PACSIN2: variants seen among roughly 807,000 people sequenced by gnomAD.
PACSIN2 encodes the protein protein kinase C and casein kinase substrate in neurons 2, also known as protein kinase C and casein kinase substrate in neurons protein 2.
Under a neutral mutation model 63.8 loss-of-function variants are expected in PACSIN2, and 25 were observed. The ratio of observed to expected loss-of-function variants is 0.39; its 90% CI spans 0.29 to 0.55. The LOEUF (loss-of-function observed/expected upper bound fraction) is 0.55. Among genes scored for constraint, PACSIN2 ranks in the 20% least tolerant of loss-of-function variants. PACSIN2 has a pLI of 0.62. For missense variants in PACSIN2, 518 were observed against 646.9 expected, an observed-to-expected ratio of 0.80 and a Z score of 2.16; for synonymous variants, 255 against 256.2, an observed-to-expected ratio of 1.00 and a Z score of 0.05.
intron 1 of PACSIN2, among the ~76,000 whole-genome samples, chr22:42,942,684 T>C (rs192398411): frequency 8.7e-4 from 133 of 152,346 alleles, no homozygotes; most frequent in African/African-American, 3.0e-3. Context: ...CCCATTGAAC[T>C]GGCTTAGCAT....
At chr22:43,009,863 C>CTTTTTTTTTTTTTTTTTTT (rs762256300) in intron 1 of PACSIN2, among the ~76,000 whole-genome samples, 1 of 131,814 alleles carries the variant, frequency 7.6e-6, no homozygotes, top group African/African-American at 2.9e-5. Flanking sequence ...TTTATTTTTT[C>CTTTTTTTTTTTTTTTTTTT]TATTTTTTTT....
At chr22:42,886,353 T>C (rs904738607) in intron 5 of PACSIN2, among the ~76,000 whole-genome samples, 4 of 152,190 alleles carry the variant, frequency 2.6e-5, no homozygotes, top group African/African-American at 9.7e-5. Context: ...TGCTACAAGA[T>C]GTAGTTGATG....
chr22:42,941,328 G>A (rs1351947288), intron 1 of PACSIN2, among the ~76,000 whole-genome samples: 4 of 152,126 alleles, frequency 2.6e-5, no homozygotes, highest in South Asian at 2.1e-4. Context: ...CCACTTTTCC[G>A]CTATTAATAG....
intron 2 of PACSIN2, among the ~76,000 whole-genome samples, chr22:42,904,393 G>C (rs1472235117): frequency 6.6e-6 from 1 of 152,236 alleles, no homozygotes; most frequent in Non-Finnish European, 1.5e-5. Flanking sequence ...AATTTGGTAT[G>C]TGGCTGCCGT....
At chr22:42,996,941 C>T (rs879922924) in intron 1 of PACSIN2, among the ~76,000 whole-genome samples, 1 of 152,278 alleles carries the variant, frequency 6.6e-6, no homozygotes, top group East Asian at 1.9e-4. Flanking sequence ...ACACCTGGCA[C>T]AAAATGAGCC....
chr22:42,893,473 C>T lies in PACSIN2; in HGVS notation c.201G>A (p.Arg67=). 3 of 1,613,376 alleles carry T rather than the reference C, an allele frequency of 1.9e-6. No individual in the cohort carries two copies. The highest frequency in any genetic ancestry group is 1.7e-6 in the Non-Finnish European group (2 of 1,180,008). ...GCCCCATACCTTTCTCCACGAGCTG[C>T]CTCCAGCGCCGGGCCCACTCAGTGA... The part of the protein sequence containing the change: ...QQLTEWARRW[R]QLVEKGPQYG... The change falls in exon 3 of 11, where the codon AGG becomes AGA. Residue 67 remains arginine (R), a synonymous_variant. Transcript: ENST00000263246.
chr22:42,931,893 T>G (rs56133320), intron 1 of PACSIN2, among the ~76,000 whole-genome samples: 3,807 of 152,262 alleles, frequency 0.025, 152 homozygotes, highest in African/African-American at 0.088. Flanking sequence ...CCCTAAATTT[T>G]CAAAGCTAAA....
chr22:42,910,907 TA>T (rs1416221419), intron 2 of PACSIN2, among the ~76,000 whole-genome samples: 2 of 135,190 alleles, frequency 1.5e-5, no homozygotes, highest in Non-Finnish European at 3.0e-5. Context: ...AGTTAACACA[TA>T]ATTTTTTTTT....
At chr22:42,969,702 G>C (rs969498667) in intron 1 of PACSIN2, among the ~76,000 whole-genome samples, 3 of 152,004 alleles carry the variant, frequency 2.0e-5, no homozygotes, top group African/African-American at 7.3e-5. Flanking sequence ...ACTCTGAGAG[G>C]CCGAGGCATG....
rs141230475 is a variant in PACSIN2 at position 42,898,986 on chromosome 22, G to C, written c.61-5373C>G. On this transcript the variant is annotated intron_variant, in intron 2 of 10. Transcript: ENST00000263246. ...CGTCAGCTCCTCCTCCATCCTGCAT[G>C]CATCTGTTGTAAACAGTCCAGAGGT... is the stretch of plus-strand genomic sequence containing the variant. Among the ~76,000 whole-genome samples, 1,437 of 152,288 alleles carry C rather than the reference G, an allele frequency of 9.4e-3. 15 individuals carry two copies. Among genetic ancestry groups the C allele is most frequent in the Non-Finnish European group, 0.016 (1,074 of 68,028 alleles).
intron 2 of PACSIN2, among the ~76,000 whole-genome samples, chr22:42,895,325 A>C (rs1882966338): frequency 6.6e-6 from 1 of 152,206 alleles, no homozygotes; most frequent in South Asian, 2.1e-4. Flanking sequence ...CCCAACAAGC[A>C]ACTCAGTATC....
chr22:42,974,284 T>C (rs953710801), intron 1 of PACSIN2, among the ~76,000 whole-genome samples: 1 of 152,330 alleles, frequency 6.6e-6, no homozygotes, highest in South Asian at 2.1e-4. Context: ...CCCAAGGCCC[T>C]TTCCCATGAG....
chr22:42,996,702 A>G (rs1923427561), intron 1 of PACSIN2, among the ~76,000 whole-genome samples: 1 of 152,000 alleles, frequency 6.6e-6, no homozygotes, highest in African/African-American at 2.4e-5. Context: ...AATCAGGGGG[A>G]AAAAAAGCAG....
chr22:42,978,603 G>A (rs1333299047), intron 1 of PACSIN2, among the ~76,000 whole-genome samples: 2 of 152,154 alleles, frequency 1.3e-5, no homozygotes, highest in African/African-American at 2.4e-5. Flanking sequence ...AGGTTTCCAT[G>A]CCCGCACTGA....
chr22:42,985,592 C>G (rs1349175711), intron 1 of PACSIN2, among the ~76,000 whole-genome samples: 1 of 152,136 alleles, frequency 6.6e-6, no homozygotes, highest in Non-Finnish European at 1.5e-5. Context: ...GAAGGACCCA[C>G]CTGGTTTTGA....
At chr22:42,878,878 G>A (rs985939162) in intron 8 of PACSIN2, among the ~76,000 whole-genome samples, 170 bp downstream of exon 8, 1 of 151,772 alleles carries the variant, frequency 6.6e-6, no homozygotes, top group East Asian at 1.9e-4. Flanking sequence ...GGCCCACAGA[G>A]CTCAGGAGCC....
At chr22:42,990,497 C>T (rs1005427940) in intron 1 of PACSIN2, among the ~76,000 whole-genome samples, 7 of 152,200 alleles carry the variant, frequency 4.6e-5, no homozygotes, top group South Asian at 4.1e-4. Flanking sequence ...AGTATGGGGA[C>T]GGGGGTGGAC....
At chr22:42,999,604 G>T (rs1923635394) in intron 1 of PACSIN2, among the ~76,000 whole-genome samples, 2 of 152,140 alleles carry the variant, frequency 1.3e-5, no homozygotes, top group African/African-American at 4.8e-5. Context: ...GGACGCGGAG[G>T]TTGCCGTGAG....
At chr22:42,968,584 G>C (rs1296746095) in intron 1 of PACSIN2, among the ~76,000 whole-genome samples, 1 of 152,212 alleles carries the variant, frequency 6.6e-6, no homozygotes, top group African/African-American at 2.4e-5. Context: ...TAGAAACCTA[G>C]TAAAGCCTGA....
Sources: allele counts gnomAD v4.1 joint callset (sites outside exome capture counted in the v4.1 genomes callset), GRCh38; gene constraint gnomAD v4.1.1; transcripts MANE v1.5; gene names NCBI Gene and HGNC (gene_info 2026-07-23, HGNC 2026-07-21).